Variants in SLC45A1 observed in about 807,000 individuals in gnomAD.
SLC45A1 encodes proton-associated sugar transporter A.
In SLC45A1, 28 loss-of-function variants were observed where a neutral mutation model predicts 57.6. The ratio of observed to expected loss-of-function variants is 0.49; its 90% CI spans 0.36 to 0.67. SLC45A1 has a LOEUF of 0.67. Ranked by LOEUF, SLC45A1 falls within the 30% of genes least tolerant of loss-of-function variation. SLC45A1 has a pLI of 0.00. For synonymous variants in SLC45A1, 459 were observed against 471.5 expected (o/e 0.97, Z 0.34); for missense variants, 814 against 1,041.5 (o/e 0.78, Z 3.01).
chr1:8,344,067 G>T lies in SLC45A1; in HGVS notation c.*54G>T. ...GCCTGCACCTGGGGGTCTGGAGCAG[G>T]CCGACCAGTGAGGACCAAAGGGCCT... On this transcript the variant is annotated 3_prime_UTR_variant, in exon 9 of 9. Coordinates refer to ENST00000471889, the MANE Select transcript of SLC45A1 (RefSeq NM_001080397.3). 2 of 1,541,790 alleles carry T rather than the reference G, an allele frequency of 1.3e-6. No homozygotes were observed. Among genetic ancestry groups the T allele is most frequent in the Middle Eastern group, 1.7e-4 (1 of 5,728 alleles).
Position 8,335,621 on chromosome 1 carries a change from C to T in SLC45A1, c.1597+31C>T. 6.4e-7 allele frequency: 1 copy of T among 1,571,528 alleles called. No homozygotes were observed. The highest frequency in any genetic ancestry group is 2.3e-5 in the East Asian group (1 of 43,658). Reference sequence around the variant, plus strand: ...CTCCCGGCCAAGCCTCCCCGTGAGTCCTGGTCCTGCTCAGGGCTCTCGCCC... The same window carrying T: ...CTCCCGGCCAAGCCTCCCCGTGAGTTCTGGTCCTGCTCAGGGCTCTCGCCC... On this transcript the variant is annotated intron_variant, in intron 6 of 8. Coordinates refer to ENST00000471889, the MANE Select transcript of SLC45A1 (RefSeq NM_001080397.3). This position sits in a 1 kb window ranked among gnomAD's most constrained non-coding sequence, Gnocchi z 4.1.
At chr1:8,341,074 C>T (rs1640794009) in intron 8 of SLC45A1, among the ~76,000 whole-genome samples, 1 of 151,970 alleles carries the variant, frequency 6.6e-6, no homozygotes, top group African/African-American at 2.4e-5. Flanking sequence ...TGCCTCTAGT[C>T]CCAGCTACTC....
At position 8,328,816 on chromosome 1, in the gene SLC45A1, G is replaced by T. The variant is rs1381136217; in HGVS notation, c.716-1393G>T. Among the ~76,000 whole-genome samples, 1 of 152,156 alleles carries T rather than the reference G, an allele frequency of 6.6e-6. No homozygotes were observed. Among genetic ancestry groups the T allele is most frequent in the African/African-American group, 2.4e-5 (1 of 41,424 alleles). ...ATGGTGCTGCTGCACTCCAGCCTGGGCAATAAGAGTGAAACTCCGTCTCAA... is the reference window on the plus strand; with the variant it reads ...ATGGTGCTGCTGCACTCCAGCCTGGTCAATAAGAGTGAAACTCCGTCTCAA... On this transcript the variant is annotated intron_variant, in intron 4 of 8. Coordinates refer to ENST00000471889, the MANE Select transcript of SLC45A1 (RefSeq NM_001080397.3). The surrounding 1 kb of genome is among the most constrained non-coding windows in gnomAD (Gnocchi z 4.6).
chr1:8,333,955 G>A (rs527596549), intron 5 of SLC45A1, among the ~76,000 whole-genome samples: 2 of 152,362 alleles, frequency 1.3e-5, no homozygotes, highest in Admixed American at 6.5e-5. Context: ...AATCACTGGA[G>A]AGCCAGGAAA....
Position 8,330,998 on chromosome 1 carries a change from G to C in SLC45A1, c.1443+62G>C. On this transcript the variant is annotated intron_variant, in intron 5 of 8. Coordinates refer to ENST00000471889, the MANE Select transcript of SLC45A1 (RefSeq NM_001080397.3). This position sits in a 1 kb window ranked among gnomAD's most constrained non-coding sequence, Gnocchi z 8.4. ...GTGGCATTCGGGGGTCCCCTGGTCA[G>C]TTACATGACAAAGAGGGAGAGTCCC... 6.6e-7 allele frequency: 1 copy of C among 1,505,710 alleles called. No homozygotes were observed. Among genetic ancestry groups the C allele is most frequent in the Non-Finnish European group, 8.8e-7 (1 of 1,131,068 alleles). 93.3% of individuals were successfully genotyped at this position (1,505,710 alleles called of 1,614,324 possible).
chr1:8,323,490 C>CA (rs34956825), intron 1 of SLC45A1, among the ~76,000 whole-genome samples: 17,512 of 125,812 alleles, frequency 0.14, 1,403 homozygotes, highest in South Asian at 0.2. Flanking sequence ...GACTCTGTCT[C>CA]AAAAAAAAAA....
chr1:8,330,572 G>T lies in SLC45A1; in HGVS notation c.1079G>T (p.Gly360Val), dbSNP rs1186787212. The T allele has an allele frequency of 6.2e-7, 1 of 1,613,342 alleles. No individual in the cohort carries two copies. The highest frequency in any genetic ancestry group is 1.3e-5 in the African/African-American group (1 of 74,946). The change falls in exon 5 of 9, where the codon GGC (glycine) becomes GTC (valine). Residue 360 changes from glycine to valine, a missense_variant. Coordinates refer to ENST00000471889, the MANE Select transcript of SLC45A1 (RefSeq NM_001080397.3). The surrounding 1 kb of genome is among the most constrained non-coding windows in gnomAD (Gnocchi z 8.4). Reference protein sequence around the residue: ...SFISRDSSLTGISEFASSFGT... With the variant: ...SFISRDSSLTVISEFASSFGT... The stretch of plus-strand genomic sequence containing the variant: ...ATCAGCAGGGACAGCTCCCTGACGG[G>T]CATCAGCGAGTTCGCCTCATCCTTT...
rs1490109483 is a variant in SLC45A1 at position 8,341,744 on chromosome 1, G to A, written c.1981-2003G>A. On this transcript the variant is annotated intron_variant, in intron 8 of 8. Coordinates refer to ENST00000471889, the MANE Select transcript of SLC45A1 (RefSeq NM_001080397.3). ...TCAAGATCAGCCTGGCCAACATGAC[G>A]AAACCATGTCTACTAAAATACAAAA... is the stretch of plus-strand genomic sequence containing the variant. Among the ~76,000 whole-genome samples the A allele has an allele frequency of 3.3e-5, 5 of 149,740 alleles. No homozygotes were observed. The South Asian group carries it at 8.4e-4, about 25-fold the overall frequency.
Position 8,330,841 on chromosome 1 carries a change from A to G in SLC45A1, c.1348A>G (p.Ile450Val). 6.2e-7 allele frequency: 1 copy of G among 1,613,382 alleles called. No individual in the cohort carries two copies. The highest frequency in any genetic ancestry group is 8.5e-7 in the Non-Finnish European group (1 of 1,179,978). Reference protein sequence around the residue: ...LDTSKPRSSGILKRPQTLAIP... With the variant: ...LDTSKPRSSGVLKRPQTLAIP... Reference sequence around the variant, plus strand: ...CACCTCTAAGCCGAGGTCATCAGGGATTCTGAAGAGACCTCAGACCTTGGC... The same window carrying G: ...CACCTCTAAGCCGAGGTCATCAGGGGTTCTGAAGAGACCTCAGACCTTGGC... Residue 450 changes from isoleucine (I) to valine (V), a missense_variant, in exon 5 of 9, where the codon ATT becomes GTT. Transcript: ENST00000471889. This position sits in a 1 kb window ranked among gnomAD's most constrained non-coding sequence, Gnocchi z 8.4.
In SLC45A1 at chr1:8,324,504, T is replaced by TGCCCCCCCCCCCCCCCCCCCCCC; in HGVS notation, c.175_176insGCCCCCCCCCCCCCCCCCCCCCC (p.Ser59CysfsTer58). On this transcript the variant is annotated frameshift_variant, in exon 2 of 9. Coordinates refer to ENST00000471889, the MANE Select transcript of SLC45A1 (RefSeq NM_001080397.3). LOFTEE classifies it high-confidence loss of function. ...CAAGAGGAGGAAGTGCATTCGTCCC[T>TGCCCCCCCCCCCCCCCCCCCCCC]CCCCACCCCCGCCCCCCAACACCCC... 1.3e-6 allele frequency: 2 copies of TGCCCCCCCCCCCCCCCCCCCCCC among 1,528,628 alleles called. No individual in the cohort carries two copies. The highest frequency in any genetic ancestry group is 1.8e-6 in the Non-Finnish European group (2 of 1,108,740). The allele number at this position is 1,528,628 out of a possible 1,614,324, so 94.7% of individuals were successfully genotyped here.
intron 1 of SLC45A1, among the ~76,000 whole-genome samples, chr1:8,320,375 G>A (rs893624697): frequency 6.6e-6 from 1 of 152,222 alleles, no homozygotes; most frequent in Non-Finnish European, 1.5e-5. Flanking sequence ...GGGAATGGTG[G>A]CTCATGCCTG....
chr1:8,338,114 G>C, intron 7 of SLC45A1, 122 bp downstream of exon 7: 1 of 907,956 alleles, frequency 1.1e-6, no homozygotes, highest in South Asian at 1.7e-5. Context: ...TTTGGGGGAC[G>C]CCACTGTCTT....
At position 8,343,923 on chromosome 1, in the gene SLC45A1, C is replaced by G; in HGVS notation, c.2157C>G (p.Gly719=). Reference sequence around the variant, plus strand: ...TCTCCAGCCTCGTGTCCTTCCTGGGCTGCCTGTACTCCTCCCTGTTTGTCA... The same window carrying G: ...TCTCCAGCCTCGTGTCCTTCCTGGGGTGCCTGTACTCCTCCCTGTTTGTCA... The part of the protein sequence containing the change: ...MYFSSLVSFL[G]CLYSSLFVIY... The change falls in exon 9 of 9, where the codon GGC becomes GGG. Residue 719 remains glycine (G), a synonymous_variant. Transcript: ENST00000471889. The surrounding 1 kb of genome is among the most constrained non-coding windows in gnomAD (Gnocchi z 7.7). 6.2e-7 allele frequency: 1 copy of G among 1,614,164 alleles called. No individual in the cohort carries two copies. The highest frequency in any genetic ancestry group is 8.5e-7 in the Non-Finnish European group (1 of 1,180,026).
rs1640349529 is a variant in SLC45A1 at position 8,330,354 on chromosome 1, C to T, written c.861C>T (p.Ser287=). The T allele has an allele frequency of 1.2e-6, 2 of 1,613,466 alleles. No individual in the cohort carries two copies. The highest frequency in any genetic ancestry group is 1.7e-6 in the Non-Finnish European group (2 of 1,180,010). The change falls in exon 5 of 9, where the codon AGC becomes AGT. Residue 287 remains serine, a synonymous_variant. Transcript: ENST00000471889. This position sits in a 1 kb window ranked among gnomAD's most constrained non-coding sequence, Gnocchi z 8.4. ...LSVTTVLTLV[S]IPERPLRPPS... is the part of the protein sequence containing the mutation. ...TCACCACCGTCCTGACCCTGGTCAG[C>T]ATCCCTGAGAGGCCGCTGCGGCCGC...
At chr1:8,340,939 T>TC (rs1280766228) in intron 8 of SLC45A1, among the ~76,000 whole-genome samples, 1 of 152,112 alleles carries the variant, frequency 6.6e-6, no homozygotes, top group African/African-American at 2.4e-5. Context: ...ACACCTGTAG[T>TC]CCCAGGTACT....
intron 8 of SLC45A1, 138 bp downstream of exon 8, chr1:8,339,836 AG>A (rs529375660): frequency 1.2e-6 from 1 of 820,836 alleles, no homozygotes; most frequent in Non-Finnish European, 2.0e-6. Flanking sequence ...CATGAAACCA[AG>A]GGGGGCCCTT....
intron 5 of SLC45A1, among the ~76,000 whole-genome samples, chr1:8,333,507 C>T (rs1399442952): frequency 6.6e-6 from 1 of 152,152 alleles, no homozygotes; most frequent in Non-Finnish European, 1.5e-5. Context: ...GCATTCACGG[C>T]TCACTGCAGC....
Position 8,330,172 on chromosome 1 carries a change from C to A in SLC45A1, c.716-37C>A, listed in dbSNP as rs1640338545. On this transcript the variant is annotated intron_variant, in intron 4 of 8. Coordinates refer to ENST00000471889, the MANE Select transcript of SLC45A1 (RefSeq NM_001080397.3). This position sits in a 1 kb window ranked among gnomAD's most constrained non-coding sequence, Gnocchi z 8.4. ...GCCACCGCGTTTGGGGCTTCTCCTC[C>A]CGCAGAAGGGAACTCAAACCCTGTC... is the stretch of plus-strand genomic sequence containing the variant. The A allele has an allele frequency of 3.1e-6, 5 of 1,595,846 alleles. No individual in the cohort carries two copies. In the East Asian group the frequency reaches 1.1e-4, roughly 36 times the overall value.
At chr1:8,339,365 G>A in intron 7 of SLC45A1, 128 bp from the exon 8 acceptor site, 3 of 834,920 alleles carry the variant, frequency 3.6e-6, no homozygotes, top group Non-Finnish European at 3.9e-6. Flanking sequence ...CTGGTCTGGG[G>A]CAAGTGACCT....
Sources: allele counts gnomAD v4.1 joint callset (sites outside exome capture counted in the v4.1 genomes callset), GRCh38; gene constraint gnomAD v4.1.1; non-coding constraint Gnocchi (gnomAD v3.1); transcripts MANE v1.5; gene names NCBI Gene and HGNC (gene_info 2026-07-23, HGNC 2026-07-21).